The following CSMD1 variants were observed in gnomAD, a reference collection of about 807,000 sequenced individuals.
CSMD1 encodes the protein CUB and Sushi multiple domains 1, also known as CUB and sushi domain-containing protein 1.
CSMD1 carries 213 observed loss-of-function variants against 417.5 expected under a neutral mutation model. The observed-to-expected ratio is 0.51, with a 90% CI of 0.46 to 0.57. The LOEUF is 0.57. Ranked by LOEUF, CSMD1 falls within the 20% of genes least tolerant of loss-of-function variation. The pLI is 0.00. For missense variants in CSMD1, 6,923 were observed against 4,529.7 expected, an observed-to-expected ratio of 1.53 and a Z score of -15.17; for synonymous variants, 2,862 against 1,736.8, an observed-to-expected ratio of 1.65 and a Z score of -16.11.
In CSMD1 at chr8:3,251,496, A is replaced by G. The variant is rs575597655; in HGVS notation, c.4154-21265T>C. 1.5e-3 allele frequency among the ~76,000 whole-genome samples: 232 copies of G among 152,196 alleles called. 1 individual carries two copies. Among genetic ancestry groups the G allele is most frequent in the African/African-American group, 4.9e-3 (204 of 41,494 alleles). On this transcript the variant is annotated intron_variant, in intron 26 of 69. Transcript: ENST00000635120. The stretch of plus-strand genomic sequence containing the variant: ...GTAGTATAGTTTGAAGTCAGGTAGC[A>G]TGATGCCTCCAGCTTTGTTCTCTTG...
At chr8:4,431,564 C>A (rs1032569743) in intron 2 of CSMD1, among the ~76,000 whole-genome samples, 1 of 152,130 alleles carries the variant, frequency 6.6e-6, no homozygotes, top group Non-Finnish European at 1.5e-5. Context: ...GCCCCGGCCC[C>A]ATTTCAAAAC....
intron 5 of CSMD1, among the ~76,000 whole-genome samples, chr8:3,969,143 G>A (rs184373530): frequency 1.3e-5 from 2 of 152,206 alleles, no homozygotes; most frequent in South Asian, 4.1e-4. Flanking sequence ...GTTACTACTC[G>A]AGAGGCTGAG....
intron 33 of CSMD1, among the ~76,000 whole-genome samples, chr8:3,199,290 C>A (rs1400983016): frequency 6.6e-6 from 1 of 151,988 alleles, no homozygotes; most frequent in African/African-American, 2.4e-5. Context: ...TGTTAAATTT[C>A]CATTTAAGCT....
chr8:4,983,903 G>A (rs903179209), intron 1 of CSMD1, among the ~76,000 whole-genome samples: 2 of 152,108 alleles, frequency 1.3e-5, no homozygotes, highest in African/African-American at 2.4e-5. Flanking sequence ...AAAGCTCAAA[G>A]TTATGGTCGA....
chr8:3,826,656 T>C (rs114617525), intron 5 of CSMD1, among the ~76,000 whole-genome samples: 1 of 152,208 alleles, frequency 6.6e-6, no homozygotes, highest in African/African-American at 2.4e-5. Context: ...TATCTGCAGC[T>C]CGGGCATGGG....
intron 1 of CSMD1, among the ~76,000 whole-genome samples, chr8:4,731,878 C>G (rs1430678184): frequency 6.6e-6 from 1 of 151,866 alleles, no homozygotes; most frequent in Non-Finnish European, 1.5e-5. Context: ...TATTTTTATT[C>G]TAACTGTCTC....
chr8:4,794,652 C>T (rs1302559256), intron 1 of CSMD1, among the ~76,000 whole-genome samples: 1 of 152,154 alleles, frequency 6.6e-6, no homozygotes, highest in East Asian at 1.9e-4. Context: ...CCATTGTCCC[C>T]ATACCTTCTT....
chr8:3,834,734 T>C (rs1479177609), intron 5 of CSMD1, among the ~76,000 whole-genome samples: 1 of 151,950 alleles, frequency 6.6e-6, no homozygotes, highest in Non-Finnish European at 1.5e-5. Context: ...GACGGCTCCA[T>C]TCTCGGAGGT....
At chr8:4,300,678 T>C (rs1797935239) in intron 3 of CSMD1, among the ~76,000 whole-genome samples, 1 of 152,186 alleles carries the variant, frequency 6.6e-6, no homozygotes. Flanking sequence ...ATGCTATCTC[T>C]CCACACTCTC....
chr8:3,190,412 C>T (rs1274101462), intron 33 of CSMD1, among the ~76,000 whole-genome samples: 3 of 152,074 alleles, frequency 2.0e-5, no homozygotes, highest in African/African-American at 7.2e-5. Flanking sequence ...ATGAGGAAAA[C>T]GGCATAAAAA....
chr8:4,237,625 C>A (rs139008867), intron 3 of CSMD1, among the ~76,000 whole-genome samples: 1 of 151,980 alleles, frequency 6.6e-6, no homozygotes, highest in African/African-American at 2.4e-5. Context: ...GCCTCAACCT[C>A]CTGCCTCACC....
intron 5 of CSMD1, among the ~76,000 whole-genome samples, chr8:3,831,336 C>A (rs1802366729): frequency 6.6e-6 from 1 of 152,164 alleles, no homozygotes; most frequent in Non-Finnish European, 1.5e-5. Flanking sequence ...CATCTGTCTC[C>A]TTCTGGAATT....
intron 31 of CSMD1, among the ~76,000 whole-genome samples, chr8:3,203,741 T>C (rs778635973): frequency 2.0e-5 from 3 of 152,198 alleles, no homozygotes; most frequent in Non-Finnish European, 4.4e-5. Flanking sequence ...GATACTAACA[T>C]GCTTAGATTT....
chr8:3,745,217 T>C (rs983213162), intron 6 of CSMD1, among the ~76,000 whole-genome samples: 15 of 152,216 alleles, frequency 9.9e-5, no homozygotes, highest in Non-Finnish European at 1.5e-4. Flanking sequence ...GGGTAGTAAA[T>C]TGTAGACTAT....
At chr8:3,906,586 C>A (rs1584944315) in intron 5 of CSMD1, among the ~76,000 whole-genome samples, 1 of 148,668 alleles carries the variant, frequency 6.7e-6, no homozygotes, top group African/African-American at 2.5e-5. Context: ...TGTGGGATAT[C>A]ATCATAAAAG....
intron 25 of CSMD1, among the ~76,000 whole-genome samples, chr8:3,299,969 G>C (rs558589050): frequency 4.6e-5 from 7 of 152,152 alleles, no homozygotes; most frequent in Admixed American, 3.3e-4. Flanking sequence ...AGCAAATGCA[G>C]CTCTAGAAAT....
At chr8:4,959,012 C>T (rs908293295) in intron 1 of CSMD1, among the ~76,000 whole-genome samples, 4 of 152,040 alleles carry the variant, frequency 2.6e-5, no homozygotes, top group African/African-American at 9.7e-5. Flanking sequence ...TAATTGTATG[C>T]TTTAACTGAG....
intron 3 of CSMD1, among the ~76,000 whole-genome samples, chr8:4,310,628 A>G (rs1200412096): frequency 6.6e-6 from 1 of 152,200 alleles, no homozygotes; most frequent in African/African-American, 2.4e-5. Flanking sequence ...TGTTAGGAAA[A>G]ATGAGTCAGA....
At position 4,782,455 on chromosome 8, in the gene CSMD1, G is replaced by C. The variant is rs542513438; in HGVS notation, c.86-144897C>G. On this transcript the variant is annotated intron_variant, in intron 1 of 69. Transcript: ENST00000635120. The stretch of plus-strand genomic sequence containing the variant: ...TTTATTTTCATTACATATAGAATTT[G>C]AACACTTTAGATTTAAAGAAATCTT... 1.1e-4 allele frequency among the ~76,000 whole-genome samples: 16 copies of C among 152,214 alleles called. No individual in the cohort carries two copies. The South Asian group carries it at 3.1e-3, about 30-fold the overall frequency.
Sources: allele counts gnomAD v4.1 joint callset (sites outside exome capture counted in the v4.1 genomes callset), GRCh38; gene constraint gnomAD v4.1.1; transcripts MANE v1.5; gene names NCBI Gene and HGNC (gene_info 2026-07-23, HGNC 2026-07-21).